RBPMS: variants seen among roughly 807,000 people sequenced by gnomAD.
RBPMS encodes RNA binding protein, mRNA processing factor, also known as RNA-binding protein with multiple splicing.
A neutral mutation model predicts 26.8 loss-of-function variants in RBPMS; 7 were observed. The ratio of observed to expected loss-of-function variants is 0.26; its 90% confidence interval spans 0.15 to 0.49. The LOEUF is 0.49. RBPMS is among the 20% of genes least tolerant of loss of function. The probability of loss-of-function intolerance (pLI) is 0.98; values close to 1 mark genes in which losing one functional copy is unlikely to be tolerated. For synonymous variants in RBPMS, 96 were observed against 93.3 expected, an observed-to-expected ratio of 1.03 and a Z score of -0.17; for missense variants, 186 against 250.0, an observed-to-expected ratio of 0.74 and a Z score of 1.73.
chr8:30,429,006 A>T (rs1018543671), intron 1 of RBPMS, among the ~76,000 whole-genome samples: 1 of 152,176 alleles, frequency 6.6e-6, no homozygotes, highest in Non-Finnish European at 1.5e-5. Context: ...TCTAAGACAC[A>T]TCAAAGGTGG....
chr8:30,419,451 TGTGTG>T (rs1196241267), intron 1 of RBPMS, among the ~76,000 whole-genome samples: 3 of 8,064 alleles, frequency 3.7e-4, no homozygotes, highest in Admixed American at 2.7e-3. Flanking sequence ...ATCTCAAAAA[TGTGTG>T]TGTGTGTGTG....
chr8:30,432,223 A>C (rs527986300), intron 1 of RBPMS, among the ~76,000 whole-genome samples: 2 of 152,354 alleles, frequency 1.3e-5, no homozygotes, highest in African/African-American at 4.8e-5. Flanking sequence ...GAAGTGATCC[A>C]GTAGTTGTTT....
intron 1 of RBPMS, among the ~76,000 whole-genome samples, chr8:30,467,787 C>T (rs1032418649): frequency 6.6e-6 from 1 of 152,154 alleles, no homozygotes; most frequent in East Asian, 1.9e-4. Context: ...TTTCTAAGGA[C>T]AGTGGACATG....
intron 1 of RBPMS, among the ~76,000 whole-genome samples, chr8:30,427,542 G>GTA (rs1563308871): frequency 3.3e-5 from 5 of 152,176 alleles, no homozygotes; most frequent in African/African-American, 4.8e-5. Context: ...TGGAAGCCTC[G>GTA]CTGAACTCCC....
intron 1 of RBPMS, among the ~76,000 whole-genome samples, chr8:30,424,600 G>A (rs949330716): frequency 9.2e-5 from 14 of 152,198 alleles, no homozygotes; most frequent in African/African-American, 2.9e-4. Context: ...AACCTCTCTA[G>A]ATCTTAATCT....
intron 4 of RBPMS, among the ~76,000 whole-genome samples, chr8:30,497,771 C>T (rs373219750): frequency 3.0e-4 from 45 of 151,934 alleles, no homozygotes; most frequent in African/African-American, 1.0e-3. Flanking sequence ...TACAGGCGCC[C>T]GCCACCACGC....
In RBPMS at chr8:30,556,017, A is replaced by G. The variant is rs545507347; in HGVS notation, c.529-2870A>G. The G allele has an allele frequency of 1.8e-3, 1,799 of 985,272 alleles. 3 individuals carry two copies. The highest frequency in any genetic ancestry group is 2.1e-3 in the Non-Finnish European group (1,751 of 829,916). 61.0% of individuals were successfully genotyped at this position (985,272 alleles called of 1,614,324 possible). Reference sequence around the variant, plus strand: ...GCCGCTCAGACTTGGCCAGGGGGGCACTGCCCTCTGCTGGAAGCTGGGCGC... The same window carrying G: ...GCCGCTCAGACTTGGCCAGGGGGGCGCTGCCCTCTGCTGGAAGCTGGGCGC... On this transcript the variant is annotated intron_variant, in intron 6 of 8. Coordinates refer to ENST00000397323, the MANE Select transcript of RBPMS (RefSeq NM_001008710.3).
intron 2 of RBPMS, among the ~76,000 whole-genome samples, chr8:30,475,889 G>GAGGTCAGGTGCC (rs1198759200): frequency 6.6e-6 from 1 of 152,210 alleles, no homozygotes; most frequent in Non-Finnish European, 1.5e-5. Context: ...CAGGGAAACA[G>GAGGTCAGGTGCC]AGGTCAGGTG....
intron 5 of RBPMS, among the ~76,000 whole-genome samples, chr8:30,516,645 C>A (rs1174665419): frequency 6.6e-6 from 1 of 152,050 alleles, no homozygotes; most frequent in East Asian, 1.9e-4. Context: ...GGAAATTAAA[C>A]AAAAATTTTT....
At chr8:30,459,047 G>T (rs181279039) in intron 1 of RBPMS, among the ~76,000 whole-genome samples, 5 of 147,200 alleles carry the variant, frequency 3.4e-5, no homozygotes, top group African/African-American at 1.3e-4. Flanking sequence ...CACTGCAACC[G>T]CCACCTCCTG....
At chr8:30,569,449 G>T (rs1157582528) in intron 8 of RBPMS, among the ~76,000 whole-genome samples, 1 of 152,214 alleles carries the variant, frequency 6.6e-6, no homozygotes, top group African/African-American at 2.4e-5. Context: ...AGTTCTGAAA[G>T]ACAGTGTGGC....
intron 1 of RBPMS, among the ~76,000 whole-genome samples, chr8:30,436,374 C>T (rs1034583845): frequency 6.6e-5 from 10 of 152,146 alleles, no homozygotes; most frequent in Non-Finnish European, 5.9e-5. Flanking sequence ...CATAATTAAC[C>T]TACTTCTCTA....
intron 5 of RBPMS, among the ~76,000 whole-genome samples, chr8:30,535,373 C>T (rs1747832479): frequency 1.3e-5 from 2 of 152,090 alleles, no homozygotes; most frequent in South Asian, 2.1e-4. Flanking sequence ...GAAAATTTTT[C>T]GTATAAGCAG....
At chr8:30,410,399 G>A (rs1215413331) in intron 1 of RBPMS, among the ~76,000 whole-genome samples, 2 of 151,774 alleles carry the variant, frequency 1.3e-5, no homozygotes, top group Non-Finnish European at 2.9e-5. Context: ...TAGTAGAGAT[G>A]GGGTTTCACC....
intron 1 of RBPMS, among the ~76,000 whole-genome samples, chr8:30,444,070 T>C (rs1157325504): frequency 2.2e-4 from 34 of 152,156 alleles, no homozygotes; most frequent in Admixed American, 2.2e-3. Flanking sequence ...CTAATTTTTG[T>C]GTTTTTAGTA....
At chr8:30,417,717 ATTT>A (rs752400886) in intron 1 of RBPMS, among the ~76,000 whole-genome samples, 28 of 150,198 alleles carry the variant, frequency 1.9e-4, no homozygotes, top group South Asian at 4.2e-4. Context: ...CCTCTTTTAA[ATTT>A]TAACTTGACG....
chr8:30,432,837 T>C (rs1037888107), intron 1 of RBPMS, among the ~76,000 whole-genome samples: 1 of 152,090 alleles, frequency 6.6e-6, no homozygotes, highest in Non-Finnish European at 1.5e-5. Flanking sequence ...CGATTCCACA[T>C]TATTTTCTGT....
intron 1 of RBPMS, among the ~76,000 whole-genome samples, chr8:30,432,495 C>T (rs1004670581): frequency 6.6e-6 from 1 of 152,130 alleles, no homozygotes; most frequent in South Asian, 2.1e-4. Flanking sequence ...CTTAAATCCT[C>T]CTTGGAAGGA....
chr8:30,527,894 G>A (rs972849555), intron 5 of RBPMS, among the ~76,000 whole-genome samples: 1 of 152,086 alleles, frequency 6.6e-6, no homozygotes, highest in African/African-American at 2.4e-5. Flanking sequence ...GTTTAAAATG[G>A]GCCAGGCATG....
Sources: gnomAD v4.1 joint callset for allele counts (sites outside exome capture counted in the v4.1 genomes callset) on GRCh38, gnomAD v4.1.1 for gene constraint, MANE v1.5 for transcripts, NCBI Gene and HGNC (gene_info 2026-07-23, HGNC 2026-07-21) for gene names.